Variants in PRKCE observed in about 807,000 individuals in gnomAD.
PRKCE encodes the protein protein kinase C epsilon type.
PRKCE carries 16 observed loss-of-function variants against 85.4 expected under a neutral mutation model. That is an observed-to-expected ratio of 0.19 (90% CI 0.13 to 0.28). The LOEUF is 0.28. Ranked by LOEUF, PRKCE falls within the 10% of genes least tolerant of loss-of-function variation. The pLI, the probability that PRKCE is intolerant of heterozygous loss-of-function variation, is 1.00. For missense variants in PRKCE, 573 were observed against 975.2 expected, an observed-to-expected ratio of 0.59 and a Z score of 5.49; for synonymous variants, 388 against 371.5, an observed-to-expected ratio of 1.04 and a Z score of -0.51.
chr2:45,791,034 C>T (rs1327684901), intron 1 of PRKCE, among the ~76,000 whole-genome samples: 1 of 152,228 alleles, frequency 6.6e-6, no homozygotes, highest in African/African-American at 2.4e-5. Context: ...GTTCCAGCCC[C>T]TCCACCTCCG....
At chr2:45,849,675 A>G (rs149067754) in intron 2 of PRKCE, among the ~76,000 whole-genome samples, 1 of 152,274 alleles carries the variant, frequency 6.6e-6, no homozygotes, top group Non-Finnish European at 1.5e-5. Context: ...CTAGACATGC[A>G]TGGACATGTC....
At chr2:45,854,452 G>A (rs1390913339) in intron 2 of PRKCE, among the ~76,000 whole-genome samples, 2 of 152,188 alleles carry the variant, frequency 1.3e-5, no homozygotes, top group Non-Finnish European at 2.9e-5. Context: ...TGGCTACGCT[G>A]AATTAGCATT....
intron 1 of PRKCE, among the ~76,000 whole-genome samples, chr2:45,739,703 A>G (rs12151469): frequency 0.54 from 82,379 of 151,814 alleles, 22,827 homozygotes; most frequent in African/African-American, 0.64. Context: ...GTGGGGGTAC[A>G]AGATTGAGTA....
At chr2:46,024,466 A>G (rs1399378872) in intron 10 of PRKCE, among the ~76,000 whole-genome samples, 2 of 152,196 alleles carry the variant, frequency 1.3e-5, no homozygotes, top group African/African-American at 2.4e-5. Context: ...GGCAGGAGGT[A>G]CAAATTAATT....
At chr2:45,743,268 C>T (rs531786642) in intron 1 of PRKCE, among the ~76,000 whole-genome samples, 1 of 152,256 alleles carries the variant, frequency 6.6e-6, no homozygotes, top group African/African-American at 2.4e-5. Context: ...TAACTATACT[C>T]ACCATACAAA....
chr2:46,066,171 G>C (rs973264119), intron 10 of PRKCE, among the ~76,000 whole-genome samples: 2 of 152,206 alleles, frequency 1.3e-5, no homozygotes, highest in Non-Finnish European at 2.9e-5. Flanking sequence ...GTAGCGTGGT[G>C]AGATGGCCCT....
rs771466424 is a variant in PRKCE, at chr2:45,774,731, C to T, written c.349-68269C>T. On this transcript the variant is annotated intron_variant, in intron 1 of 14. Coordinates refer to ENST00000306156, the MANE Select transcript of PRKCE (RefSeq NM_005400.3). This position sits in a 1 kb window ranked among gnomAD's most constrained non-coding sequence, Gnocchi z 4.3. ...TTCTGATAGATGAATCAAGCCGGGA[C>T]GCCCAGTCACCCTGACTTTGACTCT... 6.6e-6 allele frequency among the ~76,000 whole-genome samples: 1 copy of T among 152,060 alleles called. No homozygotes were observed. The highest frequency in any genetic ancestry group is 1.5e-5 in the Non-Finnish European group (1 of 68,020).
intron 2 of PRKCE, among the ~76,000 whole-genome samples, chr2:45,859,163 C>T (rs754202492): frequency 5.9e-5 from 9 of 151,918 alleles, no homozygotes; most frequent in Non-Finnish European, 1.2e-4. Context: ...TGTGTGGCTG[C>T]AGTTCGTTTT....
Position 46,139,627 on chromosome 2 carries a change from T to C in PRKCE, c.1593-5466T>C, listed in dbSNP as rs1675310589. On this transcript the variant is annotated intron_variant, in intron 11 of 14. Transcript: ENST00000306156. This position sits in a 1 kb window ranked among gnomAD's most constrained non-coding sequence, Gnocchi z 5.2. ...AGGTGGCTGCTACTACTTTAGGCAT[T>C]ATGTCCTCATTCATGCAATATACAG... Among the ~76,000 whole-genome samples, 1 of 152,044 alleles carries C rather than the reference T, an allele frequency of 6.6e-6. No individual in the cohort carries two copies. The highest frequency in any genetic ancestry group is 2.1e-4 in the South Asian group (1 of 4,814).
At chr2:45,846,047 G>A (rs1339243040) in intron 2 of PRKCE, among the ~76,000 whole-genome samples, 1 of 152,130 alleles carries the variant, frequency 6.6e-6, no homozygotes, top group Non-Finnish European at 1.5e-5. Context: ...TGCTCAAAAT[G>A]CTCTTATGGG....
At chr2:45,829,631 T>A (rs1690235802) in intron 1 of PRKCE, among the ~76,000 whole-genome samples, 1 of 152,150 alleles carries the variant, frequency 6.6e-6, no homozygotes, top group African/African-American at 2.4e-5. Context: ...GAACCTAGCA[T>A]AGAGCAGCTT....
chr2:45,984,777 G>C (rs937590271), intron 6 of PRKCE, 97 bp downstream of exon 6: 1 of 1,501,626 alleles, frequency 6.7e-7, no homozygotes, highest in Non-Finnish European at 8.9e-7. Context: ...TCTGATTCCA[G>C]ATTTGGCCAA....
At chr2:45,750,420 T>C (rs997487202) in intron 1 of PRKCE, among the ~76,000 whole-genome samples, 16 of 152,216 alleles carry the variant, frequency 1.1e-4, no homozygotes, top group African/African-American at 3.6e-4. Context: ...TAAGCACTTA[T>C]AGTTCCTCCT....
intron 2 of PRKCE, among the ~76,000 whole-genome samples, chr2:45,940,899 A>C (rs551720001): frequency 3.6e-3 from 192 of 52,734 alleles, no homozygotes; most frequent in African/African-American, 0.014. Flanking sequence ...TCTCTATTAA[A>C]AATACAAAAA....
chr2:45,954,178 T>A (rs1700819705), intron 2 of PRKCE, among the ~76,000 whole-genome samples: 1 of 152,222 alleles, frequency 6.6e-6, no homozygotes, highest in Non-Finnish European at 1.5e-5. Context: ...TAGTGAATCT[T>A]GGCAAGGAAA....
rs545247304 is a variant in PRKCE, at chr2:45,765,725, G to A, written c.349-77275G>A. Among the ~76,000 whole-genome samples the A allele has an allele frequency of 3.9e-5, 6 of 152,282 alleles. No individual in the cohort carries two copies. The South Asian group carries it at 1.0e-3, about 26-fold the overall frequency. ...TGGACTGTTGACCCCCACGTCCTAA[G>A]CCCAAAGATGAGACCACCCAGTGGG... is the stretch of plus-strand genomic sequence containing the variant. On this transcript the variant is annotated intron_variant, in intron 1 of 14. Transcript: ENST00000306156.
chr2:46,032,529 G>A (rs1000832402), intron 10 of PRKCE, among the ~76,000 whole-genome samples: 1 of 152,150 alleles, frequency 6.6e-6, no homozygotes, highest in African/African-American at 2.4e-5. Flanking sequence ...GTCCCCAGTT[G>A]TACAGTTTGT....
At chr2:45,938,165 T>C (rs1699612982) in intron 2 of PRKCE, among the ~76,000 whole-genome samples, 2 of 152,268 alleles carry the variant, frequency 1.3e-5, no homozygotes, top group South Asian at 4.2e-4. Context: ...AACCATCTGC[T>C]CTCTTAGCCT....
intron 1 of PRKCE, among the ~76,000 whole-genome samples, chr2:45,755,312 G>T (rs1212015957): frequency 6.6e-6 from 1 of 152,154 alleles, no homozygotes. Context: ...ACTCAATAAA[G>T]GTGCAGCAAA....
Sources: allele counts gnomAD v4.1 joint callset (sites outside exome capture counted in the v4.1 genomes callset), GRCh38; gene constraint gnomAD v4.1.1; non-coding constraint Gnocchi (gnomAD v3.1); transcripts MANE v1.5; gene names NCBI Gene and HGNC (gene_info 2026-07-23, HGNC 2026-07-21).